LYST: variants seen among roughly 807,000 people sequenced by gnomAD.
LYST encodes lysosomal trafficking regulator.
Under a neutral mutation model 413.6 loss-of-function variants are expected in LYST, and 192 were observed. The observed-to-expected ratio is 0.46, with a 90% confidence interval of 0.41 to 0.52. LYST has a LOEUF of 0.52. LYST is among the 20% of genes least tolerant of loss of function. The probability of loss-of-function intolerance (pLI) is 0.00; values close to 1 mark genes in which losing one functional copy is unlikely to be tolerated. For missense variants in LYST, 3,815 were observed against 4,499.9 expected, an observed-to-expected ratio of 0.85 and a Z score of 4.35; for synonymous variants, 1,525 against 1,567.3, an observed-to-expected ratio of 0.97 and a Z score of 0.64.
At position 235,709,234 on chromosome 1, in the gene LYST, G is replaced by A. The variant is rs1390499376; in HGVS notation, c.10000C>T (p.Pro3334Ser). The change falls in exon 44 of 53, where the codon CCT becomes TCT. Residue 3334 changes from proline to serine, a missense_variant. By Grantham distance (74) the Pro-to-Ser change is moderately conservative. Around this residue, in one of 4 missense-constraint regions of LYST, gnomAD observed 866 missense variants for 1,156.0 expected, o/e 0.75. Coordinates refer to ENST00000389793, the MANE Select transcript of LYST (RefSeq NM_000081.4). ...VNLPPWARNDPRLFILIHRQA... is the reference protein window; with the variant it reads ...VNLPPWARNDSRLFILIHRQA... ...CGATGGATGAGGATAAAAAGACGAG[G>A]ATCATTACGCGCCCAAGGGGGAAGG... 2 of 1,613,974 alleles carry A rather than the reference G, an allele frequency of 1.2e-6. No homozygotes were observed. Among genetic ancestry groups the A allele is most frequent in the South Asian group, 1.1e-5 (1 of 91,080 alleles).
chr1:235,765,366 G>A (rs1659325022), intron 21 of LYST, among the ~76,000 whole-genome samples: 2 of 151,956 alleles, frequency 1.3e-5, no homozygotes, highest in African/African-American at 4.8e-5. Context: ...TGGCCTTACT[G>A]CCCCTAGTTC....
At chr1:235,832,004 A>G (rs1037810836) in intron 2 of LYST, among the ~76,000 whole-genome samples, 2 of 152,198 alleles carry the variant, frequency 1.3e-5, no homozygotes, top group African/African-American at 4.8e-5. Context: ...CTGGGCCATC[A>G]AGACCATTCA....
chr1:235,873,763 C>T (rs1558372218), intron 1 of LYST, among the ~76,000 whole-genome samples: 1 of 152,222 alleles, frequency 6.6e-6, no homozygotes, highest in African/African-American at 2.4e-5. Context: ...TGAAACCACA[C>T]TAGCTGTTTA....
rs765363830 is a variant in LYST at position 235,762,756 on chromosome 1, T to C, written c.6217A>G (p.Ile2073Val). ...RSLMSPGFMVISPSGFTASPY... is the reference protein window; with the variant it reads ...RSLMSPGFMVVSPSGFTASPY... Reference sequence around the variant, plus strand: ...GAAGCAGTAAAACCAGATGGGCTTATTACCATAAATCCAGGGCTCATAAGG... The same window carrying C: ...GAAGCAGTAAAACCAGATGGGCTTACTACCATAAATCCAGGGCTCATAAGG... The change falls in exon 22 of 53, where the codon ATA becomes GTA. Residue 2073 changes from isoleucine (I) to valine (V), a missense_variant. By Grantham distance (29) the Ile-to-Val change is conservative. Coordinates refer to ENST00000389793, the MANE Select transcript of LYST (RefSeq NM_000081.4). 2.7e-5 allele frequency: 43 copies of C among 1,613,426 alleles called. No homozygotes were observed. Among genetic ancestry groups the C allele is most frequent in the Non-Finnish European group, 3.6e-5 (42 of 1,179,620 alleles).
chr1:235,831,206 C>T (rs554153334), intron 2 of LYST, among the ~76,000 whole-genome samples: 1 of 152,258 alleles, frequency 6.6e-6, no homozygotes, highest in East Asian at 1.9e-4. Context: ...TGTATTGCCT[C>T]ACCTCCCTTC....
intron 3 of LYST, among the ~76,000 whole-genome samples, chr1:235,822,507 AATT>A (rs1674859430): frequency 6.6e-6 from 1 of 152,182 alleles, no homozygotes; most frequent in Admixed American, 6.5e-5. Context: ...GCTGCAACAA[AATT>A]ACTACATGTG....
Position 235,733,706 on chromosome 1 carries a change from A to G in LYST, c.8613-15T>C, listed in dbSNP as rs747579207. On this transcript the variant is annotated splice_polypyrimidine_tract_variant and intron_variant, in intron 33 of 52. Transcript: ENST00000389793. ...GCTGAAAGAGACTAAACAAATAATA[A>G]GATTGTCCATAGTTAAGCATACATG... 6 of 1,602,430 alleles carry G rather than the reference A, an allele frequency of 3.7e-6. No homozygotes were observed. In the South Asian group the frequency reaches 6.6e-5, roughly 18 times the overall value.
At chr1:235,718,429 G>A (rs919930365) in intron 40 of LYST, among the ~76,000 whole-genome samples, 5 of 149,294 alleles carry the variant, frequency 3.3e-5, no homozygotes, top group Non-Finnish European at 5.9e-5. Flanking sequence ...TGCAACCTCC[G>A]CCTCCCAAGT....
In LYST at chr1:235,746,219, T is replaced by C. The variant is rs1572132953; in HGVS notation, c.7972+117A>G. Reference sequence around the variant, plus strand: ...AATAAGAAACTCTTAATACTATGGATGTTAAGAACTGAAAAATAATGCTGC... The same window carrying C: ...AATAAGAAACTCTTAATACTATGGACGTTAAGAACTGAAAAATAATGCTGC... On this transcript the variant is annotated intron_variant, in intron 29 of 52. Coordinates refer to ENST00000389793, the MANE Select transcript of LYST (RefSeq NM_000081.4). 1.6e-5 allele frequency: 13 copies of C among 816,482 alleles called. No individual in the cohort carries two copies. The East Asian group carries it at 3.1e-4, about 19-fold the overall frequency. 50.6% of individuals were successfully genotyped at this position (816,482 alleles called of 1,614,324 possible).
At chr1:235,705,495 A>C (rs12075298) in intron 44 of LYST, among the ~76,000 whole-genome samples, 6,655 of 150,998 alleles carry the variant, frequency 0.044, 500 homozygotes, top group African/African-American at 0.15. Context: ...AAGTGATCCT[A>C]CTGCCTCAGC....
chr1:235,754,309 T>C (rs1666792938), intron 25 of LYST, among the ~76,000 whole-genome samples: 1 of 145,120 alleles, frequency 6.9e-6, no homozygotes, highest in South Asian at 2.2e-4. Flanking sequence ...CCTGGCTCAC[T>C]GTAACCTCTG....
intron 5 of LYST, among the ~76,000 whole-genome samples, chr1:235,807,786 T>C (rs1222226889): frequency 2.0e-5 from 3 of 152,126 alleles, no homozygotes; most frequent in Admixed American, 2.0e-4. Flanking sequence ...TTCTTATTTT[T>C]GTTTATCTAT....
chr1:235,743,860 TA>T, intron 30 of LYST, 118 bp downstream of exon 30: 1 of 637,994 alleles, frequency 1.6e-6, no homozygotes, highest in Non-Finnish European at 2.8e-6. Context: ...GTCCGAGTTT[TA>T]AAAAGCTCTC....
In LYST at chr1:235,777,574, A is replaced by G. The variant is rs10926627; in HGVS notation, c.5215-266T>C. Among the ~76,000 whole-genome samples, 1,168 of 152,342 alleles carry G rather than the reference A, an allele frequency of 7.7e-3. 14 individuals are homozygous for G. The highest frequency in any genetic ancestry group is 0.027 in the African/African-American group (1,110 of 41,586). On this transcript the variant is annotated intron_variant, in intron 16 of 52. Coordinates refer to ENST00000389793, the MANE Select transcript of LYST (RefSeq NM_000081.4). ...TCCAGCTTTGTTCGGTTTAGAATATATATTAAGTTATACTATTACTACTAA... is the reference window on the plus strand; with the variant it reads ...TCCAGCTTTGTTCGGTTTAGAATATGTATTAAGTTATACTATTACTACTAA...
chr1:235,747,793 C>G (rs1032124010), intron 28 of LYST, among the ~76,000 whole-genome samples: 2 of 152,208 alleles, frequency 1.3e-5, no homozygotes, highest in African/African-American at 4.8e-5. Context: ...TGAAGCCACA[C>G]AGAGCTAGTG....
chr1:235,800,810 G>T, intron 9 of LYST, 61 bp downstream of exon 9: 1 of 1,135,202 alleles, frequency 8.8e-7, no homozygotes, highest in East Asian at 2.5e-5. Context: ...TACATAAGGA[G>T]ATGTTATTGG....
chr1:235,712,954 G>A, intron 42 of LYST: 1 of 985,292 alleles, frequency 1.0e-6, no homozygotes, highest in Middle Eastern at 5.2e-4. Flanking sequence ...AACAGTAGCA[G>A]TTTACATGTT....
At chr1:235,751,100 T>C in intron 28 of LYST, 110 bp downstream of exon 28, 1 of 1,149,494 alleles carries the variant, frequency 8.7e-7, no homozygotes, top group Non-Finnish European at 1.3e-6. Flanking sequence ...AAATCTTTCT[T>C]AAATTTTATG....
chr1:235,862,175 T>G (rs978291568), intron 1 of LYST, among the ~76,000 whole-genome samples: 1 of 152,214 alleles, frequency 6.6e-6, no homozygotes, highest in African/African-American at 2.4e-5. Flanking sequence ...ATGATATGAC[T>G]GACATAAGGA....
Sources: allele counts gnomAD v4.1 joint callset (sites outside exome capture counted in the v4.1 genomes callset), GRCh38; gene constraint gnomAD v4.1.1; regional missense constraint gnomAD v4.1.1; transcripts MANE v1.5; gene names NCBI Gene and HGNC (gene_info 2026-07-23, HGNC 2026-07-21).